The following ADAMTSL1 variants were observed in gnomAD, a reference collection of about 807,000 sequenced individuals.
ADAMTSL1 encodes the protein ADAMTS-like protein 1.
ADAMTSL1 carries 126 observed loss-of-function variants against 201.8 expected under a neutral mutation model. The observed-to-expected ratio is 0.62, with a 90% CI of 0.54 to 0.72. The LOEUF (loss-of-function observed/expected upper bound fraction) is 0.72, where lower values mean the gene tolerates loss of function less well. ADAMTSL1 is among the 30% of genes least tolerant of loss of function. The pLI is 0.00. For missense variants in ADAMTSL1, 2,679 were observed against 2,277.8 expected (o/e 1.18, Z -3.59); for synonymous variants, 1,121 against 903.4 (o/e 1.24, Z -4.32).
chr9:18,179,650 A>AT (rs1828361892), intron 2 of ADAMTSL1, among the ~76,000 whole-genome samples: 1 of 152,212 alleles, frequency 6.6e-6, no homozygotes, highest in African/African-American at 2.4e-5. Context: ...CCTCAAAGGG[A>AT]AGCCCATCAG....
chr9:18,887,369 T>A (rs1828962424), intron 23 of ADAMTSL1, among the ~76,000 whole-genome samples: 1 of 152,192 alleles, frequency 6.6e-6, no homozygotes, highest in Non-Finnish European at 1.5e-5. Flanking sequence ...AAAAATCTCA[T>A]AACAAGTAAA....
chr9:18,810,608 C>T (rs1823439293), intron 20 of ADAMTSL1, among the ~76,000 whole-genome samples: 1 of 152,288 alleles, frequency 6.6e-6, no homozygotes, highest in Non-Finnish European at 1.5e-5. Context: ...ACTTAACTTA[C>T]AGAAGGTTAA....
At chr9:18,228,650 C>A (rs926724682) in intron 2 of ADAMTSL1, among the ~76,000 whole-genome samples, 4 of 152,052 alleles carry the variant, frequency 2.6e-5, no homozygotes, top group Non-Finnish European at 5.9e-5. Context: ...GAACTCCCGG[C>A]CTCAAGTGAT....
rs142653099 is a variant in ADAMTSL1 at position 18,848,104 on chromosome 9, C to T, written c.4249+18127C>T. ...TTTAATTTGGCTCACATGTGCTGGG[C>T]ACCTGCTCTGTCTGCCTGGCCCTGA... On this transcript the variant is annotated intron_variant, in intron 23 of 28. Coordinates refer to ENST00000380548, the MANE Select transcript of ADAMTSL1 (RefSeq NM_001040272.6). 2.9e-3 allele frequency among the ~76,000 whole-genome samples: 435 copies of T among 152,264 alleles called. 2 individuals carry two copies. The highest frequency in any genetic ancestry group is 0.01 in the African/African-American group (418 of 41,552).
chr9:18,453,770 T>C (rs1302051677), intron 2 of ADAMTSL1, among the ~76,000 whole-genome samples: 1 of 152,154 alleles, frequency 6.6e-6, no homozygotes, highest in Non-Finnish European at 1.5e-5. Context: ...GAATATGAAA[T>C]GCAGATTTTT....
rs1456094263 is a variant in ADAMTSL1 at position 18,684,811 on chromosome 9, A to G, written c.1574+11A>G. ...GTCAGAGGAGCCCTCGTAAGTTGTA[A>G]AAGCACAGACTGTTCTATATTTGAA... On this transcript the variant is annotated intron_variant, in intron 13 of 28. Coordinates refer to ENST00000380548, the MANE Select transcript of ADAMTSL1 (RefSeq NM_001040272.6). The G allele has an allele frequency of 2.6e-5, 42 of 1,605,798 alleles. No homozygotes were observed. The highest frequency in any genetic ancestry group is 3.6e-5 in the Non-Finnish European group (42 of 1,176,240).
At chr9:18,321,578 G>A (rs1834621018) in intron 2 of ADAMTSL1, among the ~76,000 whole-genome samples, 1 of 152,178 alleles carries the variant, frequency 6.6e-6, no homozygotes, top group South Asian at 2.1e-4. Flanking sequence ...CGGATCATGA[G>A]GTCAGGAGAT....
At chr9:18,448,161 A>C (rs1387682523) in intron 2 of ADAMTSL1, among the ~76,000 whole-genome samples, 1 of 152,088 alleles carries the variant, frequency 6.6e-6, no homozygotes, top group Non-Finnish European at 1.5e-5. Context: ...CCAGTTAAGA[A>C]CCACTCTGGG....
intron 1 of ADAMTSL1, among the ~76,000 whole-genome samples, chr9:17,982,126 T>C (rs1179157595): frequency 6.6e-6 from 1 of 152,206 alleles, no homozygotes; most frequent in Non-Finnish European, 1.5e-5. Context: ...CTCTCTCTTG[T>C]TTTATAGTTT....
At chr9:18,180,074 G>A (rs1048039297) in intron 2 of ADAMTSL1, among the ~76,000 whole-genome samples, 12 of 152,246 alleles carry the variant, frequency 7.9e-5, no homozygotes, top group African/African-American at 2.9e-4. Flanking sequence ...AAAAGACACA[G>A]ACTGGCAAAT....
chr9:18,829,804 T>A, intron 22 of ADAMTSL1, 39 bp from the exon 23 acceptor site: 2 of 1,612,928 alleles, frequency 1.2e-6, no homozygotes, highest in East Asian at 4.5e-5. Flanking sequence ...CACAGCCCTG[T>A]GCTTTAACCT....
chr9:17,946,942 A>G (rs1184550218), intron 1 of ADAMTSL1, among the ~76,000 whole-genome samples: 1 of 152,096 alleles, frequency 6.6e-6, no homozygotes, highest in Non-Finnish European at 1.5e-5. Flanking sequence ...ACAAAAACAG[A>G]TCAATACCAT....
At chr9:18,702,334 A>G (rs1254151430) in intron 13 of ADAMTSL1, among the ~76,000 whole-genome samples, 2 of 152,210 alleles carry the variant, frequency 1.3e-5, no homozygotes, top group Non-Finnish European at 2.9e-5. Context: ...TGGTGACACG[A>G]GACTAATCAA....
chr9:18,149,247 T>C (rs948888830), intron 1 of ADAMTSL1, among the ~76,000 whole-genome samples: 2 of 151,982 alleles, frequency 1.3e-5, no homozygotes, highest in East Asian at 3.9e-4. Flanking sequence ...TATAGAGTTA[T>C]AGGTGGGCAC....
At chr9:18,571,576 A>G (rs1313390652) in intron 3 of ADAMTSL1, among the ~76,000 whole-genome samples, 1 of 152,210 alleles carries the variant, frequency 6.6e-6, no homozygotes, top group Admixed American at 6.5e-5. Flanking sequence ...CTCCCATTCA[A>G]TGACCAGGAA....
intron 1 of ADAMTSL1, among the ~76,000 whole-genome samples, chr9:17,943,013 C>T (rs992721063): frequency 3.9e-5 from 6 of 152,126 alleles, no homozygotes; most frequent in Non-Finnish European, 8.8e-5. Context: ...CCTCAATCTC[C>T]TGGTCTTAAG....
At chr9:18,043,123 T>C (rs944519051) in intron 1 of ADAMTSL1, among the ~76,000 whole-genome samples, 1 of 152,162 alleles carries the variant, frequency 6.6e-6, no homozygotes, top group South Asian at 2.1e-4. Flanking sequence ...ACTTGCCACA[T>C]GTCACAATTA....
chr9:18,074,271 A>G (rs568403208), intron 1 of ADAMTSL1, among the ~76,000 whole-genome samples: 3 of 152,262 alleles, frequency 2.0e-5, no homozygotes, highest in East Asian at 1.9e-4. Context: ...TCAAAAAACT[A>G]TGAATGCAAT....
intron 1 of ADAMTSL1, among the ~76,000 whole-genome samples, chr9:18,128,996 CTG>C (rs1825846943): frequency 1.3e-5 from 2 of 152,284 alleles, no homozygotes; most frequent in African/African-American, 4.8e-5. Flanking sequence ...ATAAAACAGA[CTG>C]TAATACATTA....
Sources: gnomAD v4.1 joint callset for allele counts (sites outside exome capture counted in the v4.1 genomes callset) on GRCh38, gnomAD v4.1.1 for gene constraint, MANE v1.5 for transcripts, NCBI Gene and HGNC (gene_info 2026-07-23, HGNC 2026-07-21) for gene names.